Variants in PDE7B observed in about 807,000 individuals in gnomAD.
PDE7B encodes the protein phosphodiesterase 7B.
In PDE7B, 29 loss-of-function variants were observed where a neutral mutation model predicts 56.2. The ratio of observed to expected loss-of-function variants is 0.52; its 90% CI spans 0.38 to 0.70. The LOEUF (loss-of-function observed/expected upper bound fraction) is 0.70. Ranked by LOEUF, PDE7B falls within the 30% of genes least tolerant of loss-of-function variation. The probability of loss-of-function intolerance (pLI) is 0.00; values close to 1 mark genes in which losing one functional copy is unlikely to be tolerated. For synonymous variants in PDE7B, 197 were observed against 196.9 expected, an observed-to-expected ratio of 1.00 and a Z score of 0.00; for missense variants, 490 against 565.0, an observed-to-expected ratio of 0.87 and a Z score of 1.35.
intron 3 of PDE7B, among the ~76,000 whole-genome samples, chr6:136,125,328 C>T (rs554333242): frequency 5.9e-5 from 9 of 152,194 alleles, no homozygotes; most frequent in Non-Finnish European, 1.2e-4. Context: ...TGAATTAGCA[C>T]TGTGGGAGGC....
chr6:136,149,087 C>T lies in PDE7B; in HGVS notation c.319C>T (p.His107Tyr). Residue 107 changes from histidine (H) to tyrosine (Y), a missense_variant and splice_region_variant, in exon 5 of 13, where the codon CAT becomes TAT. By Grantham distance (83) the His-to-Tyr change is moderately conservative. Coordinates refer to ENST00000308191, the MANE Select transcript of PDE7B (RefSeq NM_018945.4). ...LDEDYLGQAR[H>Y]MLSKVGMWDF... ...TGCTGTTTTTTGTTTGCCTTTTCAG[C>T]ATATGCTCTCCAAAGTGGGAATGTG... The T allele has an allele frequency of 1.2e-6, 2 of 1,609,820 alleles. No homozygotes were observed. Among genetic ancestry groups the T allele is most frequent in the African/African-American group, 2.7e-5 (2 of 74,952 alleles).
intron 1 of PDE7B, among the ~76,000 whole-genome samples, chr6:135,894,947 T>C (rs142066282): frequency 0.013 from 1,944 of 152,250 alleles, 22 homozygotes; most frequent in Middle Eastern, 0.02. Flanking sequence ...CATATTTCAA[T>C]TTTAAATATT....
chr6:136,060,400 T>TA (rs1168636697), intron 2 of PDE7B, among the ~76,000 whole-genome samples: 1 of 152,166 alleles, frequency 6.6e-6, no homozygotes, highest in African/African-American at 2.4e-5. Context: ...TTCAAATGTA[T>TA]AAACAGTAGT....
intron 2 of PDE7B, among the ~76,000 whole-genome samples, chr6:136,010,105 ACATTGC>A (rs1775865729): frequency 2.6e-5 from 4 of 152,126 alleles, no homozygotes; most frequent in African/African-American, 9.7e-5. Flanking sequence ...TCCCTCTGAA[ACATTGC>A]CATGTCATAT....
intron 2 of PDE7B, among the ~76,000 whole-genome samples, chr6:136,026,051 G>T (rs1259821053): frequency 6.6e-6 from 1 of 152,104 alleles, no homozygotes; most frequent in Non-Finnish European, 1.5e-5. Flanking sequence ...TCATTCTCTG[G>T]TTCTTCAGAC....
chr6:135,916,132 T>C (rs1360027938), intron 1 of PDE7B, among the ~76,000 whole-genome samples: 3 of 152,184 alleles, frequency 2.0e-5, no homozygotes, highest in African/African-American at 4.8e-5. Context: ...ACCAAGCTGT[T>C]TTTCCCAGTG....
chr6:136,068,984 C>A (rs1013682125), intron 2 of PDE7B, among the ~76,000 whole-genome samples: 2 of 152,080 alleles, frequency 1.3e-5, no homozygotes, highest in African/African-American at 2.4e-5. Context: ...TTTTGTCAGT[C>A]TTAAGGTCTC....
At chr6:135,934,387 T>C (rs1774352016) in intron 1 of PDE7B, among the ~76,000 whole-genome samples, 1 of 152,040 alleles carries the variant, frequency 6.6e-6, no homozygotes, top group Non-Finnish European at 1.5e-5. Context: ...TTTATTTATT[T>C]AATTTTGGTA....
chr6:136,036,159 T>A (rs932410987), intron 2 of PDE7B, among the ~76,000 whole-genome samples: 1 of 152,168 alleles, frequency 6.6e-6, no homozygotes, highest in East Asian at 1.9e-4. Context: ...CCCAGCCTGA[T>A]GGAAGGGTAA....
intron 1 of PDE7B, among the ~76,000 whole-genome samples, chr6:135,864,804 T>C (rs9402767): frequency 0.2 from 30,046 of 151,998 alleles, 5,422 homozygotes; most frequent in African/African-American, 0.48. Context: ...TTATTATTAT[T>C]ATTATACTTT....
At chr6:135,898,411 A>C (rs908452450) in intron 1 of PDE7B, among the ~76,000 whole-genome samples, 1 of 152,174 alleles carries the variant, frequency 6.6e-6, no homozygotes, top group Non-Finnish European at 1.5e-5. Flanking sequence ...TGGAAAATAA[A>C]TTATAAAATA....
At chr6:135,916,392 C>CTTTTT (rs566408380) in intron 1 of PDE7B, among the ~76,000 whole-genome samples, 8,876 of 96,160 alleles carry the variant, frequency 0.092, 764 homozygotes, top group East Asian at 0.29. Context: ...TCTTTTCTTT[C>CTTTTT]TTTTTTTTTT....
intron 8 of PDE7B, among the ~76,000 whole-genome samples, chr6:136,167,582 T>C (rs1167463436): frequency 6.6e-6 from 1 of 152,214 alleles, no homozygotes; most frequent in Non-Finnish European, 1.5e-5. Flanking sequence ...ATTGAACCTC[T>C]TTCTTTGGTA....
At position 135,896,185 on chromosome 6, in the gene PDE7B, C is replaced by A. The variant is rs563472982; in HGVS notation, c.21+44166C>A. Among the ~76,000 whole-genome samples, 11 of 152,232 alleles carry A rather than the reference C, an allele frequency of 7.2e-5. No homozygotes were observed. The South Asian group carries it at 2.3e-3, about 32-fold the overall frequency. ...ACGCGGGGAGAGAACAGCCTATTCT[C>A]CTTGTGCTGATGAACTCAATCTAGT... On this transcript the variant is annotated intron_variant, in intron 1 of 12. Transcript: ENST00000308191.
At chr6:135,962,076 T>G (rs1357622245) in intron 2 of PDE7B, among the ~76,000 whole-genome samples, 5 of 152,110 alleles carry the variant, frequency 3.3e-5, no homozygotes, top group Non-Finnish European at 7.4e-5. Flanking sequence ...TGGGAAAGTT[T>G]GTGATGTGTG....
intron 2 of PDE7B, among the ~76,000 whole-genome samples, chr6:135,994,177 TAAG>T (rs1775524360): frequency 6.8e-6 from 1 of 147,162 alleles, no homozygotes; most frequent in African/African-American, 2.5e-5. Flanking sequence ...TTATGTATAT[TAAG>T]AAGGGAGGTG....
At chr6:135,901,579 C>T (rs1176859074) in intron 1 of PDE7B, among the ~76,000 whole-genome samples, 2 of 151,976 alleles carry the variant, frequency 1.3e-5, no homozygotes, top group Non-Finnish European at 2.9e-5. Flanking sequence ...AGCCTCTCAG[C>T]GATTGGAAGA....
intron 1 of PDE7B, among the ~76,000 whole-genome samples, chr6:135,903,842 C>T (rs1235882466): frequency 6.6e-6 from 1 of 152,170 alleles, no homozygotes; most frequent in Non-Finnish European, 1.5e-5. Context: ...GAAATGAAAA[C>T]TGGCATCCTC....
At chr6:136,048,947 G>A (rs949880923) in intron 2 of PDE7B, 1 of 152,176 alleles carries the variant, frequency 6.6e-6, no homozygotes, top group Non-Finnish European at 1.5e-5. Flanking sequence ...ATCCTATCAT[G>A]AAGGATTTAT....
Sources: gnomAD v4.1 joint callset for allele counts (sites outside exome capture counted in the v4.1 genomes callset) on GRCh38, gnomAD v4.1.1 for gene constraint, MANE v1.5 for transcripts, NCBI Gene and HGNC (gene_info 2026-07-23, HGNC 2026-07-21) for gene names.